The following ADK variants were observed in gnomAD, a reference collection of about 807,000 sequenced individuals.
The protein encoded by ADK is adenosine kinase.
ADK carries 24 observed loss-of-function variants against 44.7 expected under a neutral mutation model. The observed-to-expected ratio is 0.54, with a 90% CI of 0.39 to 0.76. The LOEUF is 0.76. Among genes scored for constraint, ADK ranks in the 30% least tolerant of loss-of-function variants. The pLI, the probability that ADK is intolerant of heterozygous loss-of-function variation, is 0.00. For synonymous variants in ADK, 128 were observed against 142.6 expected (o/e 0.90, Z 0.73); for missense variants, 321 against 425.1 (o/e 0.76, Z 2.15).
chr10:74,283,226 A>G (rs1847015895), intron 3 of ADK, among the ~76,000 whole-genome samples: 1 of 151,886 alleles, frequency 6.6e-6, no homozygotes, highest in African/African-American at 2.4e-5. Flanking sequence ...TTTTATAACG[A>G]CCTTTATCTC....
rs74800171 is a variant in ADK, at chr10:74,530,183, C to T, written c.726+4757C>T. On this transcript the variant is annotated intron_variant, in intron 7 of 10. Coordinates refer to ENST00000539909, the MANE Select transcript of ADK (RefSeq NM_006721.4). Reference sequence around the variant, plus strand: ...AAATGCTTTATCCCTTTAATCTCATCATCCATTGTTTTTCTCCTTGAATAC... The same window carrying T: ...AAATGCTTTATCCCTTTAATCTCATTATCCATTGTTTTTCTCCTTGAATAC... 2.1e-3 allele frequency among the ~76,000 whole-genome samples: 327 copies of T among 152,182 alleles called. 1 individual carries two copies. The highest frequency in any genetic ancestry group is 7.3e-3 in the African/African-American group (302 of 41,524).
At chr10:74,490,620 T>C (rs1847443596) in intron 6 of ADK, among the ~76,000 whole-genome samples, 1 of 152,128 alleles carries the variant, frequency 6.6e-6, no homozygotes, top group Admixed American at 6.6e-5. Flanking sequence ...AAAAAACTTT[T>C]TGAACCCATG....
At chr10:74,684,686 C>A (rs773760863) in intron 10 of ADK, among the ~76,000 whole-genome samples, 2 of 152,110 alleles carry the variant, frequency 1.3e-5, no homozygotes, top group African/African-American at 4.8e-5. Context: ...GTGGGAGGAT[C>A]GCTTGAGCTC....
intron 10 of ADK, among the ~76,000 whole-genome samples, chr10:74,706,247 A>G (rs911550942): frequency 1.7e-4 from 26 of 152,154 alleles, no homozygotes; most frequent in African/African-American, 5.8e-4. Flanking sequence ...GTGCCACTGC[A>G]CTCCAGCCTG....
At chr10:74,234,960 C>CA (rs1844904947) in intron 3 of ADK, among the ~76,000 whole-genome samples, 1 of 151,960 alleles carries the variant, frequency 6.6e-6, no homozygotes, top group South Asian at 2.1e-4. Context: ...ATAACATATA[C>CA]AAAATAAAAC....
At chr10:74,299,474 T>C (rs1839926929) in intron 3 of ADK, among the ~76,000 whole-genome samples, 1 of 142,946 alleles carries the variant, frequency 7.0e-6, no homozygotes, top group African/African-American at 2.6e-5. Flanking sequence ...CACTCCAGCC[T>C]GGGTGACACA....
chr10:74,555,277 T>C (rs1335166356), intron 7 of ADK, among the ~76,000 whole-genome samples: 1 of 152,176 alleles, frequency 6.6e-6, no homozygotes, highest in Non-Finnish European at 1.5e-5. Context: ...ATAACAATAA[T>C]AATATAACTT....
At chr10:74,555,368 G>C (rs1418243729) in intron 7 of ADK, among the ~76,000 whole-genome samples, 1 of 151,948 alleles carries the variant, frequency 6.6e-6, no homozygotes, top group Non-Finnish European at 1.5e-5. Context: ...TATGTCATAG[G>C]TGTCAGATCC....
chr10:74,227,546 C>T (rs573500205), intron 3 of ADK, among the ~76,000 whole-genome samples: 15 of 151,830 alleles, frequency 9.9e-5, no homozygotes, highest in Admixed American at 4.6e-4. Context: ...CCCATCTCTA[C>T]GAAAAACTTA....
intron 3 of ADK, among the ~76,000 whole-genome samples, chr10:74,276,946 CTCAG>C (rs1846704210): frequency 6.7e-6 from 1 of 149,736 alleles, no homozygotes; most frequent in Admixed American, 6.6e-5. Context: ...GAGACGGAGT[CTCAG>C]TCTGTTGCAC....
intron 1 of ADK, among the ~76,000 whole-genome samples, chr10:74,185,676 C>CAAA (rs539050161): frequency 7.8e-4 from 112 of 143,774 alleles, no homozygotes; most frequent in Middle Eastern, 3.6e-3. Flanking sequence ...ACTAAAAATA[C>CAAA]AAAAAAAAAA....
At chr10:74,457,869 G>T (rs549450500) in intron 6 of ADK, among the ~76,000 whole-genome samples, 1 of 152,226 alleles carries the variant, frequency 6.6e-6, no homozygotes, top group Admixed American at 6.5e-5. Context: ...GCCTGTCAGG[G>T]GGTAGGGGAC....
intron 1 of ADK, among the ~76,000 whole-genome samples, chr10:74,166,311 TAAG>T (rs1297440567): frequency 2.6e-5 from 4 of 152,194 alleles, no homozygotes; most frequent in African/African-American, 9.6e-5. Context: ...ATGTTCTAGT[TAAG>T]AACAATTTAT....
intron 7 of ADK, among the ~76,000 whole-genome samples, chr10:74,570,314 G>A (rs1277829450): frequency 6.6e-6 from 1 of 152,196 alleles, no homozygotes; most frequent in African/African-American, 2.4e-5. Flanking sequence ...TGTGAAGAAA[G>A]TCATTGGCAG....
At chr10:74,572,925 C>T (rs1299419329) in intron 7 of ADK, among the ~76,000 whole-genome samples, 7 of 151,836 alleles carry the variant, frequency 4.6e-5, no homozygotes, top group Non-Finnish European at 1.0e-4. Context: ...TCAAAGTTTT[C>T]AACTTCTTTG....
intron 4 of ADK, among the ~76,000 whole-genome samples, chr10:74,318,086 T>C (rs930332842): frequency 6.6e-6 from 1 of 152,138 alleles, no homozygotes; most frequent in Non-Finnish European, 1.5e-5. Flanking sequence ...GGCCTGTTTC[T>C]GTTTTTGAAG....
rs149393595 is a variant in ADK at position 74,614,026 on chromosome 10, G to A, written c.877+13533G>A. Among the ~76,000 whole-genome samples the A allele has an allele frequency of 6.1e-3, 927 of 152,222 alleles. 7 individuals are homozygous for A. Among genetic ancestry groups the A allele is most frequent in the Middle Eastern group, 0.024 (7 of 294 alleles). On this transcript the variant is annotated intron_variant, in intron 9 of 10. Coordinates refer to ENST00000539909, the MANE Select transcript of ADK (RefSeq NM_006721.4). ...CTCACCTATGAATGTAAGTTACTAA[G>A]TTATTAGCTCATGGTCCATTTTTAG...
rs146456503 is a variant in ADK at position 74,525,407 on chromosome 10, T to C, written c.707T>C (p.Ile236Thr). The change falls in exon 7 of 11, where the codon ATA (isoleucine) becomes ACA (threonine). Residue 236 changes from isoleucine to threonine, a missense_variant. Physicochemically the swap from Ile to Thr is moderately conservative, Grantham distance 89 (BLOSUM62 -1). Coordinates refer to ENST00000539909, the MANE Select transcript of ADK (RefSeq NM_006721.4). ...SLMKVMPYVD[I>T]LFGNETEAAT... Reference sequence around the variant, plus strand: ...ATGAAAGTTATGCCTTATGTTGATATACTTTTTGGAAATGAGACAGTGAGT... The same window carrying C: ...ATGAAAGTTATGCCTTATGTTGATACACTTTTTGGAAATGAGACAGTGAGT... 1.9e-5 allele frequency: 30 copies of C among 1,613,010 alleles called. No homozygotes were observed. The highest frequency in any genetic ancestry group is 2.4e-5 in the Non-Finnish European group (28 of 1,179,734).
chr10:74,654,461 G>A (rs1854403323), intron 9 of ADK, among the ~76,000 whole-genome samples: 1 of 152,200 alleles, frequency 6.6e-6, no homozygotes. Flanking sequence ...CTCATGAGGT[G>A]AATCCCACCT....
Sources: gnomAD v4.1 joint callset for allele counts (sites outside exome capture counted in the v4.1 genomes callset) on GRCh38, gnomAD v4.1.1 for gene constraint, MANE v1.5 for transcripts, NCBI Gene and HGNC (gene_info 2026-07-23, HGNC 2026-07-21) for gene names.